PREX2: variants seen among roughly 807,000 people sequenced by gnomAD.
The protein encoded by PREX2 is phosphatidylinositol-3,4,5-trisphosphate dependent Rac exchange factor 2.
In PREX2, 107 loss-of-function variants were observed where a neutral mutation model predicts 203.2. The observed-to-expected ratio is 0.53, with a 90% CI of 0.45 to 0.62. The LOEUF (loss-of-function observed/expected upper bound fraction) is 0.62, where lower values mean the gene tolerates loss of function less well. Ranked by LOEUF, PREX2 falls within the 20% of genes least tolerant of loss-of-function variation. The pLI, the probability that PREX2 is intolerant of heterozygous loss-of-function variation, is 0.00. For synonymous variants in PREX2, 672 were observed against 663.6 expected, an observed-to-expected ratio of 1.01 and a Z score of -0.19; for missense variants, 1,777 against 1,955.9, an observed-to-expected ratio of 0.91 and a Z score of 1.72.
chr8:68,062,092 C>T (rs908619469), intron 11 of PREX2, among the ~76,000 whole-genome samples: 1 of 152,122 alleles, frequency 6.6e-6, no homozygotes, highest in Non-Finnish European at 1.5e-5. Flanking sequence ...CGTGATGGTA[C>T]CACCATCCAC....
intron 22 of PREX2, among the ~76,000 whole-genome samples, 162 bp downstream of exon 22, chr8:68,097,363 C>T (rs1239691506): frequency 6.7e-6 from 1 of 150,136 alleles, no homozygotes; most frequent in Non-Finnish European, 1.5e-5. Context: ...ATCACTCTGT[C>T]ACCCAGGTGA....
At chr8:68,224,442 A>G in intron 38 of PREX2, 117 bp from the exon 39 acceptor site, 1 of 761,902 alleles carries the variant, frequency 1.3e-6, no homozygotes. Flanking sequence ...TCTCTTAGCT[A>G]ATCTCCCTTG....
chr8:68,230,204 G>A (rs942377486), intron 39 of PREX2, among the ~76,000 whole-genome samples: 2 of 152,102 alleles, frequency 1.3e-5, no homozygotes, highest in African/African-American at 4.8e-5. Context: ...TCTATAATTA[G>A]CATGGGATTA....
chr8:68,195,926 G>A (rs1164679588), intron 37 of PREX2, among the ~76,000 whole-genome samples: 1 of 152,162 alleles, frequency 6.6e-6, no homozygotes, highest in Non-Finnish European at 1.5e-5. Context: ...GAACGAAAAG[G>A]CAGATTTAAT....
intron 13 of PREX2, 49 bp from the exon 14 acceptor site, chr8:68,072,446 T>A (rs554695891): frequency 2.0e-6 from 2 of 1,016,798 alleles, no homozygotes; most frequent in Non-Finnish European, 1.5e-6. Flanking sequence ...CCTACCCTCT[T>A]GCTTAATTTT....
At chr8:68,169,458 C>T (rs1267681169) in intron 35 of PREX2, among the ~76,000 whole-genome samples, 1 of 151,892 alleles carries the variant, frequency 6.6e-6, no homozygotes, top group Non-Finnish European at 1.5e-5. Flanking sequence ...GCACGCTGTT[C>T]CAGAACAGCA....
chr8:68,092,778 A>G (rs1809921430), intron 20 of PREX2, among the ~76,000 whole-genome samples: 1 of 152,172 alleles, frequency 6.6e-6, no homozygotes, highest in Non-Finnish European at 1.5e-5. Context: ...ATTATAGATA[A>G]TTGATTCATC....
chr8:68,118,525 G>A lies in PREX2; in HGVS notation c.3327-25G>A, dbSNP rs199770263. The A allele has an allele frequency of 5.2e-5, 81 of 1,557,326 alleles. No homozygotes were observed. In the East Asian group the frequency reaches 1.6e-3, roughly 30 times the overall value. ...ACACCTGGGCAGATGCACTCTTACA[G>A]TAACATGAAACCTGTTGTTTTCAGT... On this transcript the variant is annotated intron_variant, in intron 26 of 39. Coordinates refer to ENST00000288368, the MANE Select transcript of PREX2 (RefSeq NM_024870.4).
intron 34 of PREX2, among the ~76,000 whole-genome samples, chr8:68,146,959 C>G (rs1227652768): frequency 6.6e-6 from 1 of 152,022 alleles, no homozygotes. Context: ...GTAGTGAGCT[C>G]TGTTTCTGAG....
intron 9 of PREX2, among the ~76,000 whole-genome samples, chr8:68,054,544 G>A (rs1417941486): frequency 6.6e-6 from 1 of 152,100 alleles, no homozygotes; most frequent in African/African-American, 2.4e-5. Context: ...AGGAAATTTT[G>A]CAGCTAGATG....
At chr8:68,016,417 G>A (rs1215650933) in intron 1 of PREX2, among the ~76,000 whole-genome samples, 1 of 151,860 alleles carries the variant, frequency 6.6e-6, no homozygotes. Flanking sequence ...TTCCATTTAT[G>A]GTTGCACTTT....
At chr8:67,989,740 A>T (rs562159353) in intron 1 of PREX2, among the ~76,000 whole-genome samples, 316 of 152,320 alleles carry the variant, frequency 2.1e-3, no homozygotes, top group Non-Finnish European at 3.8e-3. Context: ...CCTTCTGAAG[A>T]CTCAAAATTA....
intron 23 of PREX2, 54 bp from the exon 24 acceptor site, chr8:68,108,055 G>A: frequency 8.4e-7 from 1 of 1,183,908 alleles, no homozygotes. Context: ...AAAAAAAGAT[G>A]CCTGAGTTAT....
chr8:68,104,573 T>C (rs1022012371), intron 23 of PREX2, among the ~76,000 whole-genome samples: 3 of 152,192 alleles, frequency 2.0e-5, no homozygotes, highest in Admixed American at 2.0e-4. Flanking sequence ...TTACAACTGG[T>C]AATCCATTCT....
At chr8:68,055,710 T>G in intron 9 of PREX2, 120 bp from the exon 10 acceptor site, 1 of 904,816 alleles carries the variant, frequency 1.1e-6, no homozygotes, top group East Asian at 2.6e-5. Flanking sequence ...TACAGAGATC[T>G]GTATCCACAA....
intron 1 of PREX2, among the ~76,000 whole-genome samples, chr8:68,011,969 C>T (rs144927093): frequency 2.3e-4 from 35 of 152,192 alleles, no homozygotes; most frequent in African/African-American, 8.2e-4. Flanking sequence ...TAACTTTCAC[C>T]TTTAATTTTA....
chr8:68,223,397 A>G (rs1193867420), intron 38 of PREX2: 1 of 152,128 alleles, frequency 6.6e-6, no homozygotes, highest in Non-Finnish European at 1.5e-5. Flanking sequence ...CTGCCTATGA[A>G]CAGTCAATTG....
At chr8:68,011,778 G>T (rs1238847978) in intron 1 of PREX2, among the ~76,000 whole-genome samples, 2 of 152,040 alleles carry the variant, frequency 1.3e-5, no homozygotes, top group African/African-American at 4.8e-5. Flanking sequence ...TAAATATCCT[G>T]TTAAAATAAT....
At chr8:68,221,462 T>G (rs1812952039) in intron 38 of PREX2, among the ~76,000 whole-genome samples, 1 of 151,716 alleles carries the variant, frequency 6.6e-6, no homozygotes, top group South Asian at 2.1e-4. Context: ...TTTCATAGTG[T>G]TGTTGTGAGG....
Sources: gnomAD v4.1 joint callset for allele counts (sites outside exome capture counted in the v4.1 genomes callset) on GRCh38, gnomAD v4.1.1 for gene constraint, MANE v1.5 for transcripts, NCBI Gene and HGNC (gene_info 2026-07-23, HGNC 2026-07-21) for gene names.